GALNT5: variants seen among roughly 807,000 people sequenced by gnomAD.
GALNT5 encodes the protein polypeptide N-acetylgalactosaminyltransferase 5, also known as UDP-GalNAc:polypeptide N-acetylgalactosaminyltransferase 5.
GALNT5 carries 72 observed loss-of-function variants against 85.4 expected under a neutral mutation model. The observed-to-expected ratio is 0.84, with a 90% CI of 0.70 to 1.03. The LOEUF is 1.03. Ranked by LOEUF, GALNT5 falls within the 50% of genes least tolerant of loss-of-function variation. The pLI is 0.00. For synonymous variants in GALNT5, 404 were observed against 397.0 expected, an observed-to-expected ratio of 1.02 and a Z score of -0.21; for missense variants, 1,137 against 1,135.5, an observed-to-expected ratio of 1.00 and a Z score of -0.02.
chr2:157,298,261 C>T lies in GALNT5; in HGVS notation c.1998-1287C>T, dbSNP rs562310949. On this transcript the variant is annotated intron_variant, in intron 5 of 9. Coordinates refer to ENST00000259056, the MANE Select transcript of GALNT5 (RefSeq NM_014568.3). ...CAAACCTGGATCAAAAGGAAAACAC[C>T]TGGGTCTAGGGGCAGGGGATCTAAG... Among the ~76,000 whole-genome samples, 5 of 152,278 alleles carry T rather than the reference C, an allele frequency of 3.3e-5. No homozygotes were observed. In the South Asian group the frequency reaches 8.3e-4, roughly 25 times the overall value.
At chr2:157,300,485 T>C (rs1683317201) in intron 6 of GALNT5, among the ~76,000 whole-genome samples, 191 bp from the exon 7 acceptor site, 1 of 152,334 alleles carries the variant, frequency 6.6e-6, no homozygotes, top group East Asian at 1.9e-4. Context: ...ATTTTACTAA[T>C]CCTAAAATGA....
At chr2:157,289,552 G>T (rs1683050048) in intron 3 of GALNT5, among the ~76,000 whole-genome samples, 5 of 152,064 alleles carry the variant, frequency 3.3e-5, no homozygotes, top group Admixed American at 3.3e-4. Flanking sequence ...TTTAGTGATT[G>T]ATTCACTAAG....
intron 9 of GALNT5, among the ~76,000 whole-genome samples, chr2:157,309,898 G>A (rs1421828270): frequency 6.6e-6 from 1 of 152,066 alleles, no homozygotes; most frequent in Non-Finnish European, 1.5e-5. Context: ...TTTGCATAGT[G>A]TTAGGAAATC....
intron 3 of GALNT5, among the ~76,000 whole-genome samples, chr2:157,286,526 CAG>C (rs1309705169): frequency 1.3e-5 from 2 of 152,034 alleles, no homozygotes; most frequent in Non-Finnish European, 2.9e-5. Context: ...TTTTTTGAGA[CAG>C]AGTCTCGCTC....
intron 3 of GALNT5, among the ~76,000 whole-genome samples, chr2:157,289,618 C>T (rs1683051406): frequency 6.6e-6 from 1 of 152,120 alleles, no homozygotes; most frequent in Non-Finnish European, 1.5e-5. Flanking sequence ...TAATTGCTTG[C>T]CACTGCCTAG....
chr2:157,290,747 G>A (rs1362443751), intron 3 of GALNT5, among the ~76,000 whole-genome samples: 3 of 152,152 alleles, frequency 2.0e-5, no homozygotes, highest in Non-Finnish European at 4.4e-5. Context: ...GAGATCCAGA[G>A]ATCCAAAGAC....
In GALNT5 at chr2:157,316,193, T is replaced by C. The variant is rs940093558; in HGVS notation, c.*4845T>C. 6.6e-6 allele frequency among the ~76,000 whole-genome samples: 1 copy of C among 152,074 alleles called. No individual in the cohort carries two copies. The highest frequency in any genetic ancestry group is 2.4e-5 in the African/African-American group (1 of 41,400). The stretch of plus-strand genomic sequence containing the variant: ...GGAAAAGGGAGCAGGAATCACCATA[T>C]TGAATGTGCCTGGCTTCCAGGTACA... On this transcript the variant is annotated 3_prime_UTR_variant, in exon 10 of 10. Coordinates refer to ENST00000259056, the MANE Select transcript of GALNT5 (RefSeq NM_014568.3).
chr2:157,287,083 C>T (rs1682994064), intron 3 of GALNT5, among the ~76,000 whole-genome samples: 1 of 152,098 alleles, frequency 6.6e-6, no homozygotes, highest in African/African-American at 2.4e-5. Flanking sequence ...GTATACATCT[C>T]ATCAAGAGGC....
At chr2:157,266,788 C>T (rs1024709825) in intron 1 of GALNT5, among the ~76,000 whole-genome samples, 1 of 152,162 alleles carries the variant, frequency 6.6e-6, no homozygotes, top group African/African-American at 2.4e-5. Context: ...GACAGCTTTT[C>T]CTTCCTTTGT....
intron 5 of GALNT5, among the ~76,000 whole-genome samples, chr2:157,297,066 T>G (rs979447552): frequency 2.0e-5 from 3 of 152,142 alleles, no homozygotes; most frequent in Non-Finnish European, 2.9e-5. Flanking sequence ...GAAGCTGAAG[T>G]GGAGGCTTCC....
Position 157,317,897 on chromosome 2 carries a change from C to A in GALNT5, c.*6549C>A, listed in dbSNP as rs889231733. On this transcript the variant is annotated 3_prime_UTR_variant, in exon 10 of 10. Coordinates refer to ENST00000259056, the MANE Select transcript of GALNT5 (RefSeq NM_014568.3). ...TCTTCATGAACTATATACACATTTT[C>A]ATTGTCTTTAAACAATACTGAGTTT... 1.3e-5 allele frequency among the ~76,000 whole-genome samples: 2 copies of A among 152,094 alleles called. No homozygotes were observed. The highest frequency in any genetic ancestry group is 4.8e-5 in the African/African-American group (2 of 41,438).
chr2:157,267,981 C>T (rs1042974917), intron 1 of GALNT5, among the ~76,000 whole-genome samples: 11 of 152,168 alleles, frequency 7.2e-5, no homozygotes, highest in African/African-American at 2.7e-4. Context: ...AAATCCCAGG[C>T]AGAGCTCTTC....
At chr2:157,298,470 C>T (rs1683263544) in intron 5 of GALNT5, among the ~76,000 whole-genome samples, 1 of 152,136 alleles carries the variant, frequency 6.6e-6, no homozygotes, top group Non-Finnish European at 1.5e-5. Flanking sequence ...CTGCACAGGG[C>T]GCCAATTCAC....
Position 157,299,593 on chromosome 2 carries a change from CT to C in GALNT5, c.2049del (p.Phe683LeufsTer56). 6.2e-7 allele frequency: 1 copy of C among 1,613,336 alleles called. No individual in the cohort carries two copies. The highest frequency in any genetic ancestry group is 8.5e-7 in the Non-Finnish European group (1 of 1,179,418). On this transcript the variant is annotated frameshift_variant, in exon 6 of 10. Coordinates refer to ENST00000259056, the MANE Select transcript of GALNT5 (RefSeq NM_014568.3). LOFTEE classifies it high-confidence loss of function. ...GATTGTTTTCTATTGACAAAAGTTA[CT>C]TTTTTGAACTTGGAACATACGACCC... is the stretch of plus-strand genomic sequence containing the variant. ...GGLFSIDKSY[F>X]FELGTYDPGL...
chr2:157,275,232 C>A (rs1000102106), intron 1 of GALNT5, among the ~76,000 whole-genome samples: 2 of 152,130 alleles, frequency 1.3e-5, no homozygotes, highest in Non-Finnish European at 2.9e-5. Context: ...GTTACTGCGG[C>A]CTTGTAGTAT....
In GALNT5 at chr2:157,279,253, G is replaced by A. The variant is rs189729714; in HGVS notation, c.1455-5029G>A. Among the ~76,000 whole-genome samples the A allele has an allele frequency of 2.2e-4, 33 of 152,330 alleles. 1 individual carries two copies. Among genetic ancestry groups the A allele is most frequent in the Non-Finnish European group, 1.0e-4 (7 of 68,030 alleles). ...TGTCTGTCAGCCCCTACTGGGAGGT[G>A]TCTCCCAGTTAGGCTACACAGGGGT... On this transcript the variant is annotated intron_variant, in intron 1 of 9. Coordinates refer to ENST00000259056, the MANE Select transcript of GALNT5 (RefSeq NM_014568.3).
At chr2:157,306,385 C>T (rs1353041277) in intron 8 of GALNT5, among the ~76,000 whole-genome samples, 1 of 152,142 alleles carries the variant, frequency 6.6e-6, no homozygotes, top group Non-Finnish European at 1.5e-5. Flanking sequence ...ATAACCAAAT[C>T]CATGATCCAT....
In GALNT5 at chr2:157,300,716, C is replaced by A; in HGVS notation, c.2156C>A (p.Ser719Tyr). ...CGGEIEIIPC[S>Y]RVGHIFRNDN... ...GGTGAAATTGAGATCATTCCCTGCT[C>A]CCGAGTGGGCCATATATTCAGAAAT... The change falls in exon 7 of 10, where the codon TCC (serine) becomes TAC (tyrosine). Residue 719 changes from serine (S) to tyrosine (Y), a missense_variant. Coordinates refer to ENST00000259056, the MANE Select transcript of GALNT5 (RefSeq NM_014568.3). 6.2e-7 allele frequency: 1 copy of A among 1,613,870 alleles called. No homozygotes were observed. The highest frequency in any genetic ancestry group is 8.5e-7 in the Non-Finnish European group (1 of 1,179,790).
intron 6 of GALNT5, among the ~76,000 whole-genome samples, 161 bp downstream of exon 6, chr2:157,299,826 T>C (rs1394675198): frequency 3.9e-5 from 6 of 152,240 alleles, no homozygotes; most frequent in Non-Finnish European, 8.8e-5. Flanking sequence ...TCAGATTGAA[T>C]TTGGAAGAAT....
Sources: allele counts gnomAD v4.1 joint callset (sites outside exome capture counted in the v4.1 genomes callset), GRCh38; gene constraint gnomAD v4.1.1; transcripts MANE v1.5; gene names NCBI Gene and HGNC (gene_info 2026-07-23, HGNC 2026-07-21).